RARB: variants seen among roughly 807,000 people sequenced by gnomAD.
The protein encoded by RARB is retinoic acid receptor beta, also known as HBV-activated protein.
A neutral mutation model predicts 51.9 loss-of-function variants in RARB; 17 were observed. That is an observed-to-expected ratio of 0.33 (90% CI 0.22 to 0.49). The LOEUF is 0.49. RARB is among the 20% of genes least tolerant of loss of function. The pLI is 0.99. For missense variants in RARB, 369 were observed against 550.8 expected, an observed-to-expected ratio of 0.67 and a Z score of 3.30; for synonymous variants, 215 against 195.4, an observed-to-expected ratio of 1.10 and a Z score of -0.84.
chr3:25,165,198 A>G (rs908620148), intron 4 of RARB, among the ~76,000 whole-genome samples: 3 of 152,140 alleles, frequency 2.0e-5, no homozygotes, highest in Non-Finnish European at 4.4e-5. Flanking sequence ...CAAACTCAGA[A>G]GCACAGTTGT....
chr3:25,207,748 G>T (rs1701586721), intron 5 of RARB, among the ~76,000 whole-genome samples: 2 of 152,144 alleles, frequency 1.3e-5, no homozygotes, highest in Non-Finnish European at 2.9e-5. Flanking sequence ...AATATTGCTT[G>T]AATGAATGAA....
intron 5 of RARB, among the ~76,000 whole-genome samples, chr3:25,248,511 C>T (rs1356411546): frequency 6.6e-6 from 1 of 151,898 alleles, no homozygotes; most frequent in African/African-American, 2.4e-5. Context: ...CTTTCCTTTC[C>T]TTATGGTGTG....
chr3:24,889,208 G>A (rs982857042), intron 2 of RARB, among the ~76,000 whole-genome samples: 1 of 152,088 alleles, frequency 6.6e-6, no homozygotes, highest in Non-Finnish European at 1.5e-5. Flanking sequence ...CTGCTGATGG[G>A]AGTGCTATCA....
chr3:25,318,894 C>G (rs906886790), intron 5 of RARB, among the ~76,000 whole-genome samples: 1 of 152,132 alleles, frequency 6.6e-6, no homozygotes, highest in Non-Finnish European at 1.5e-5. Context: ...CTCTGTGTGT[C>G]AATTTACCAA....
At chr3:25,212,584 C>T (rs1158566612) in intron 5 of RARB, among the ~76,000 whole-genome samples, 2 of 152,162 alleles carry the variant, frequency 1.3e-5, no homozygotes, top group Non-Finnish European at 2.9e-5. Flanking sequence ...CACTACTGCA[C>T]TCCAGCCTGG....
At chr3:25,015,656 T>C (rs1303690409) in intron 2 of RARB, among the ~76,000 whole-genome samples, 1 of 151,952 alleles carries the variant, frequency 6.6e-6, no homozygotes, top group Non-Finnish European at 1.5e-5. Context: ...ACTCTGAAGT[T>C]TCCTCAAGCC....
In RARB at chr3:24,989,774, C is replaced by CTTTTTTTTTTTTT. The variant is rs769275874; in HGVS notation, c.-379-70327_-379-70315dup. Among the ~76,000 whole-genome samples, 22 of 29,532 alleles carry CTTTTTTTTTTTTT rather than the reference C, an allele frequency of 7.4e-4. 6 individuals are homozygous for CTTTTTTTTTTTTT. The highest frequency in any genetic ancestry group is 1.8e-3 in the African/African-American group (14 of 7,882). 19.4% of individuals were successfully genotyped at this position (29,532 alleles called of 152,430 possible). A position where few individuals can be genotyped will look rare whatever the true frequency, so the allele number is the denominator to read the frequency against. The stretch of plus-strand genomic sequence containing the variant: ...ATTTTAACTGTTGTCATATGTTTTT[C>CTTTTTTTTTTTTT]TTTTTTTTTTTTTTTTTTTTTTTTT... On this transcript the variant is annotated intron_variant, in intron 2 of 11. Coordinates refer to the RARB transcript ENST00000383772.
intron 2 of RARB, among the ~76,000 whole-genome samples, chr3:24,917,740 T>C (rs559270479): frequency 3.0e-4 from 46 of 152,320 alleles, no homozygotes; most frequent in African/African-American, 1.1e-3. Context: ...TTGGCCAGGC[T>C]GGTCTCAAAA....
At chr3:25,449,809 T>C (rs1391616433) in intron 1 of RARB, among the ~76,000 whole-genome samples, 1 of 151,554 alleles carries the variant, frequency 6.6e-6, no homozygotes, top group Non-Finnish European at 1.5e-5. Context: ...TAGAGTGCAA[T>C]GGTGCGATCT....
chr3:25,395,930 A>C (rs1707101831), intron 5 of RARB, among the ~76,000 whole-genome samples: 1 of 151,840 alleles, frequency 6.6e-6, no homozygotes, highest in Non-Finnish European at 1.5e-5. Context: ...GAGTTAAAAA[A>C]CCTTGTTTTG....
chr3:25,506,946 C>T (rs1469202495), intron 3 of RARB, among the ~76,000 whole-genome samples: 1 of 152,222 alleles, frequency 6.6e-6, no homozygotes, highest in African/African-American at 2.4e-5. Context: ...GAGGATTTAC[C>T]TCCTTCTCCA....
At chr3:24,894,152 T>C (rs1016105428) in intron 2 of RARB, among the ~76,000 whole-genome samples, 7 of 152,266 alleles carry the variant, frequency 4.6e-5, no homozygotes, top group African/African-American at 1.7e-4. Context: ...AAAGGATACA[T>C]GTGCATGTTT....
At chr3:25,117,928 G>T (rs949032999) in intron 3 of RARB, among the ~76,000 whole-genome samples, 1 of 152,164 alleles carries the variant, frequency 6.6e-6, no homozygotes, top group Non-Finnish European at 1.5e-5. Context: ...AGTTACAATT[G>T]AAGGGTGAAA....
chr3:25,081,604 TATATATATATATA>T (rs1559459475), intron 3 of RARB, among the ~76,000 whole-genome samples: 12 of 14,818 alleles, frequency 8.1e-4, no homozygotes, highest in Admixed American at 3.8e-3. Flanking sequence ...TATATATATA[TATATATATATATA>T]TATATTTTTT....
chr3:25,255,732 G>A (rs530929972), intron 5 of RARB, among the ~76,000 whole-genome samples: 3 of 152,106 alleles, frequency 2.0e-5, no homozygotes, highest in South Asian at 4.1e-4. Flanking sequence ...CCTTTTAGTC[G>A]AGTTGCTCAA....
At chr3:24,832,008 CTT>C (rs1702288710) in intron 1 of RARB, among the ~76,000 whole-genome samples, 1 of 152,170 alleles carries the variant, frequency 6.6e-6, no homozygotes, top group Non-Finnish European at 1.5e-5. Context: ...TCAGCAGAAA[CTT>C]AAGTTATTAA....
At chr3:25,036,232 A>G (rs1283552875) in intron 2 of RARB, among the ~76,000 whole-genome samples, 6 of 152,310 alleles carry the variant, frequency 3.9e-5, no homozygotes, top group Admixed American at 2.0e-4. Context: ...CGGCAGTTGT[A>G]TGAGATAGAC....
intron 2 of RARB, among the ~76,000 whole-genome samples, chr3:24,918,701 G>T (rs994496665): frequency 2.6e-5 from 4 of 152,132 alleles, no homozygotes; most frequent in African/African-American, 9.7e-5. Context: ...TGGCCAACAG[G>T]CCAACATGGT....
chr3:25,203,363 G>C (rs1053837119), intron 5 of RARB, among the ~76,000 whole-genome samples: 1 of 152,188 alleles, frequency 6.6e-6, no homozygotes, highest in African/African-American at 2.4e-5. Context: ...ACAGGACACT[G>C]ACAGGTCTTG....
Sources: allele counts gnomAD v4.1 joint callset (sites outside exome capture counted in the v4.1 genomes callset), GRCh38; gene constraint gnomAD v4.1.1; transcripts MANE v1.5; gene names NCBI Gene and HGNC (gene_info 2026-07-23, HGNC 2026-07-21).